Variants in ANKS3 observed in about 807,000 individuals in gnomAD.
ANKS3 encodes ankyrin repeat and SAM domain-containing protein 3.
Under a neutral mutation model 80.7 loss-of-function variants are expected in ANKS3, and 62 were observed. The ratio of observed to expected loss-of-function variants is 0.77; its 90% CI spans 0.63 to 0.95. The LOEUF (loss-of-function observed/expected upper bound fraction) is 0.95. Ranked by LOEUF, ANKS3 falls within the 40% of genes least tolerant of loss-of-function variation. The pLI is 0.00. For synonymous variants in ANKS3, 489 were observed against 355.3 expected, an observed-to-expected ratio of 1.38 and a Z score of -4.23; for missense variants, 1,150 against 883.6, an observed-to-expected ratio of 1.30 and a Z score of -3.82.
rs753327026 is a variant in ANKS3, at chr16:4,714,990, C to CAAAAAAAAAAAAAAAAAAA, written c.574-823_574-805dup. ...CTGAAGACAGAGTGAGACTCTGTCT[C>CAAAAAAAAAAAAAAAAAAA]AAAAAAAAAAAAAAAAAAAAAAAAA... On this transcript the variant is annotated intron_variant, in intron 6 of 17. Coordinates refer to ENST00000304283, the MANE Select transcript of ANKS3 (RefSeq NM_133450.4). Among the ~76,000 whole-genome samples, 14 of 36,626 alleles carry CAAAAAAAAAAAAAAAAAAA rather than the reference C, an allele frequency of 3.8e-4. 1 individual carries two copies. The highest frequency in any genetic ancestry group is 1.8e-3 in the African/African-American group (12 of 6,698). 24.0% of individuals were successfully genotyped at this position (36,626 alleles called of 152,430 possible).
chr16:4,724,642 T>C, intron 6 of ANKS3, 108 bp downstream of exon 6: 1 of 1,078,790 alleles, frequency 9.3e-7, no homozygotes, highest in Non-Finnish European at 1.4e-6. Flanking sequence ...AATAAATGAA[T>C]GAAAGTTATT....
chr16:4,696,577 G>C lies in ANKS3; in HGVS notation c.*331C>G, dbSNP rs1168970131. ...CAGGTGCCCCAGTCCTCATTCCTAA[G>C]GTCCCACCTCAGTTGGCACCTGTGC... On this transcript the variant is annotated 3_prime_UTR_variant, in exon 18 of 18. Transcript: ENST00000304283. The C allele has an allele frequency of 5.4e-6, 1 of 186,778 alleles. No individual in the cohort carries two copies. The highest frequency in any genetic ancestry group is 5.6e-5 in the Admixed American group (1 of 17,906). 11.6% of individuals were successfully genotyped at this position (186,778 alleles called of 1,614,324 possible). A position where few individuals can be genotyped will look rare whatever the true frequency, so the allele number is the denominator to read the frequency against.
chr16:4,726,803 C>T lies in ANKS3; in HGVS notation c.370-23G>A, dbSNP rs778936019. 12 of 1,608,204 alleles carry T rather than the reference C, an allele frequency of 7.5e-6. No individual in the cohort carries two copies. In the African/African-American group the frequency reaches 8.0e-5, roughly 11 times the overall value. On this transcript the variant is annotated intron_variant, in intron 4 of 17. Transcript: ENST00000304283. ...TTGCTTCAAGAGAACACAGAACGTGCGTTACGGCCTCATCTCCTCTGCGTG... is the reference window on the plus strand; with the variant it reads ...TTGCTTCAAGAGAACACAGAACGTGTGTTACGGCCTCATCTCCTCTGCGTG...
intron 6 of ANKS3, among the ~76,000 whole-genome samples, chr16:4,722,303 G>A (rs569560522): frequency 7.3e-5 from 11 of 150,130 alleles, no homozygotes; most frequent in South Asian, 2.1e-4. Flanking sequence ...ATGGCCAGCC[G>A]GGCACAGTGG....
rs752308336 is a variant in ANKS3, at chr16:4,705,077, G to T, written c.868+18C>A. 5 of 1,609,076 alleles carry T rather than the reference G, an allele frequency of 3.1e-6. No individual in the cohort carries two copies. The African/African-American group carries it at 4.0e-5, about 13-fold the overall frequency. On this transcript the variant is annotated intron_variant, in intron 8 of 17. Coordinates refer to ENST00000304283, the MANE Select transcript of ANKS3 (RefSeq NM_133450.4). ...GTATGCAATGAGAAAGAGCCCTCGG[G>T]AAACGCGGGCCACTCACCATAGCGA...
At chr16:4,698,362 GGGGGCCC>G in intron 14 of ANKS3, 58 bp downstream of exon 14, 1 of 1,431,768 alleles carries the variant, frequency 7.0e-7, no homozygotes. Flanking sequence ...AAGGATGTGT[GGGGGCCC>G]AGGGGCCAGG....
intron 6 of ANKS3, chr16:4,714,411 G>C (rs766582636): frequency 6.6e-6 from 4 of 610,104 alleles, no homozygotes; most frequent in Non-Finnish European, 1.1e-5. Context: ...CTGGGGGCTG[G>C]GGAGTCATCT....
chr16:4,725,125 C>G (rs546495382), intron 5 of ANKS3: 1 of 273,728 alleles, frequency 3.7e-6, no homozygotes, highest in Non-Finnish European at 6.9e-6. Flanking sequence ...CCACCTCAAT[C>G]ATATTCAAAA....
At chr16:4,725,502 C>A (rs2081302908) in intron 5 of ANKS3, among the ~76,000 whole-genome samples, 1 of 152,064 alleles carries the variant, frequency 6.6e-6, no homozygotes. Flanking sequence ...CATATTTTTT[C>A]TTTCTTAGTG....
rs559147019 is a variant in ANKS3, at chr16:4,701,551, C to G, written c.1010-8G>C. 2.0e-5 allele frequency: 32 copies of G among 1,604,278 alleles called. No homozygotes were observed. Among genetic ancestry groups the G allele is most frequent in the Non-Finnish European group, 2.7e-5 (32 of 1,175,004 alleles). On this transcript the variant is annotated splice_polypyrimidine_tract_variant and splice_region_variant and intron_variant, in intron 9 of 17. Coordinates refer to ENST00000304283, the MANE Select transcript of ANKS3 (RefSeq NM_133450.4). ...CACAGAAAGCATGTTCCTCTGAGGGCGGGAAGACAGGGCGTCCGCCTGCAG... is the reference window on the plus strand; with the variant it reads ...CACAGAAAGCATGTTCCTCTGAGGGGGGGAAGACAGGGCGTCCGCCTGCAG...
chr16:4,727,527 C>T (rs949021763), intron 3 of ANKS3: 2 of 359,340 alleles, frequency 5.6e-6, no homozygotes, highest in Non-Finnish European at 1.1e-5. Context: ...CAGGGAAGGG[C>T]TGCTGGAGGC....
At chr16:4,718,394 A>G (rs551527540) in intron 6 of ANKS3, among the ~76,000 whole-genome samples, 1 of 152,318 alleles carries the variant, frequency 6.6e-6, no homozygotes, top group South Asian at 2.1e-4. Flanking sequence ...CTTTCTCTTA[A>G]AGAGAGAGGC....
chr16:4,714,030 G>A lies in ANKS3; in HGVS notation c.709+21C>T, dbSNP rs549615144. On this transcript the variant is annotated intron_variant, in intron 7 of 17. Coordinates refer to ENST00000304283, the MANE Select transcript of ANKS3 (RefSeq NM_133450.4). The stretch of plus-strand genomic sequence containing the variant: ...AGGCAACCAGAGACCCCAGCAGGGC[G>A]CGGCTGGCAGGTGTGGGTACCTGGG... The A allele has an allele frequency of 3.0e-5, 49 of 1,613,222 alleles. No individual in the cohort carries two copies. The Middle Eastern group carries it at 8.2e-4, about 27-fold the overall frequency.
chr16:4,704,268 A>G (rs1018787760), intron 8 of ANKS3, among the ~76,000 whole-genome samples: 5 of 152,132 alleles, frequency 3.3e-5, no homozygotes, highest in African/African-American at 9.7e-5. Flanking sequence ...AGGGAATTCA[A>G]TTACTGGTGG....
At chr16:4,722,323 G>A (rs558365366) in intron 6 of ANKS3, among the ~76,000 whole-genome samples, 2 of 151,742 alleles carry the variant, frequency 1.3e-5, no homozygotes, top group East Asian at 1.9e-4. Context: ...GCTCACACCT[G>A]TAATCCCAGC....
Position 4,730,128 on chromosome 16 carries a change from C to T in ANKS3, c.22G>A (p.Ala8Thr). The change falls in exon 3 of 18, where the codon GCC becomes ACC. Residue 8 changes from alanine to threonine, a missense_variant. Transcript: ENST00000304283. MSELSDE[A>T]SEPELLNRSL... ...CGGTTCAGGAGTTCCGGCTCGCTGG[C>T]TTCATCGCTGAGCTCGGACATCACT... 1 of 1,579,984 alleles carries T rather than the reference C, an allele frequency of 6.3e-7. No homozygotes were observed. The highest frequency in any genetic ancestry group is 8.6e-7 in the Non-Finnish European group (1 of 1,159,356).
At chr16:4,727,324 G>C (rs894764170) in intron 3 of ANKS3, 147 bp from the exon 4 acceptor site, 7 of 779,538 alleles carry the variant, frequency 9.0e-6, no homozygotes, top group Non-Finnish European at 1.4e-5. Context: ...ATTGGAGGCA[G>C]GCAGGCAGAA....
chr16:4,730,097 A>G lies in ANKS3; in HGVS notation c.53T>C (p.Leu18Ser). 6.3e-7 allele frequency: 1 copy of G among 1,594,046 alleles called. No individual in the cohort carries two copies. The highest frequency in any genetic ancestry group is 1.1e-5 in the South Asian group (1 of 88,740). Reference sequence around the variant, plus strand: ...TGTCCCGAGCCCGTGCCACATGGACAAGCTGCGGTTCAGGAGTTCCGGCTC... The same window carrying G: ...TGTCCCGAGCCCGTGCCACATGGACGAGCTGCGGTTCAGGAGTTCCGGCTC... ...ASEPELLNRSLSMWHGLGTQV... is the reference protein window; with the variant it reads ...ASEPELLNRSSSMWHGLGTQV... The change falls in exon 3 of 18, where the codon TTG becomes TCG. Residue 18 changes from leucine to serine, a missense_variant. Coordinates refer to ENST00000304283, the MANE Select transcript of ANKS3 (RefSeq NM_133450.4).
Position 4,698,812 on chromosome 16 carries a change from G to C in ANKS3, c.1539C>G (p.Ile513Met), listed in dbSNP as rs373801235. Residue 513 changes from isoleucine to methionine, a missense_variant, in exon 13 of 18, where the codon ATC becomes ATG. Coordinates refer to ENST00000304283, the MANE Select transcript of ANKS3 (RefSeq NM_133450.4). ...CCCAGCCACTCACCTTGTGCAGCTG[G>C]ATGGCGAGCTCCTGCATCTCAGCCT... ...RLEAEMQELA[I>M]QLHKRCEEVE... is the part of the protein sequence containing the mutation. The C allele has an allele frequency of 1.9e-6, 3 of 1,606,658 alleles. No individual in the cohort carries two copies. The highest frequency in any genetic ancestry group is 2.2e-5 in the South Asian group (2 of 90,004).
Sources: allele counts gnomAD v4.1 joint callset (sites outside exome capture counted in the v4.1 genomes callset), GRCh38; gene constraint gnomAD v4.1.1; transcripts MANE v1.5; gene names NCBI Gene and HGNC (gene_info 2026-07-23, HGNC 2026-07-21).